The following HTR4 variants were observed in gnomAD, a reference collection of about 807,000 sequenced individuals.
The protein encoded by HTR4 is 5-hydroxytryptamine (serotonin) receptor 4, G protein-coupled.
Under a neutral mutation model 36.8 loss-of-function variants are expected in HTR4, and 16 were observed. The observed-to-expected ratio is 0.43, with a 90% CI of 0.29 to 0.66. HTR4 has a LOEUF of 0.66. HTR4 is among the 30% of genes least tolerant of loss of function. The pLI is 0.13. For synonymous variants in HTR4, 189 were observed against 185.1 expected (o/e 1.02, Z -0.17); for missense variants, 438 against 490.9 (o/e 0.89, Z 1.02).
At chr5:148,642,561 G>A (rs1004327774) in intron 1 of HTR4, among the ~76,000 whole-genome samples, 6 of 152,020 alleles carry the variant, frequency 3.9e-5, no homozygotes, top group Admixed American at 2.0e-4. Flanking sequence ...CCTACTACCC[G>A]CCATATGCAC....
intron 4 of HTR4, among the ~76,000 whole-genome samples, chr5:148,531,132 C>T (rs143934695): frequency 6.6e-6 from 1 of 152,078 alleles, no homozygotes; most frequent in Non-Finnish European, 1.5e-5. Flanking sequence ...TGATTTAATA[C>T]CAAAAGGAGT....
chr5:148,478,611 C>T (rs1003665655), downstream of HTR4, among the ~76,000 whole-genome samples: 4 of 152,046 alleles, frequency 2.6e-5, no homozygotes, highest in Non-Finnish European at 4.4e-5. Flanking sequence ...CCTGGTCCAG[C>T]GATTGGGCTT....
chr5:148,642,492 T>C (rs1753757337), intron 1 of HTR4, among the ~76,000 whole-genome samples: 1 of 152,204 alleles, frequency 6.6e-6, no homozygotes, highest in Non-Finnish European at 1.5e-5. Context: ...AGGCCAGATA[T>C]TGGATAAGAA....
downstream of HTR4, chr5:148,476,669 T>C (rs6580550): frequency 0.47 from 751,038 of 1,596,360 alleles, 181,767 homozygotes; most frequent in East Asian, 0.72. Context: ...AACTTCAGTG[T>C]ACAAAAACCT....
At chr5:148,470,193 A>G (rs903687269) in intron 5 of HTR4, among the ~76,000 whole-genome samples, 4 of 152,234 alleles carry the variant, frequency 2.6e-5, no homozygotes, top group African/African-American at 9.6e-5. Flanking sequence ...GACAGTGGTA[A>G]CGGTGCTATT....
intron 5 of HTR4, among the ~76,000 whole-genome samples, chr5:148,460,714 A>G (rs1419723050): frequency 1.3e-5 from 2 of 152,306 alleles, no homozygotes; most frequent in Non-Finnish European, 2.9e-5. Flanking sequence ...AAGGAAGAGC[A>G]TCAGAGAAGG....
chr5:148,515,451 T>C (rs1757695729), intron 5 of HTR4, among the ~76,000 whole-genome samples: 1 of 152,236 alleles, frequency 6.6e-6, no homozygotes, highest in Non-Finnish European at 1.5e-5. Flanking sequence ...CATTATGGTG[T>C]TTCAATCTGG....
chr5:148,494,585 C>T (rs1054532398), intron 6 of HTR4, among the ~76,000 whole-genome samples: 1 of 152,132 alleles, frequency 6.6e-6, no homozygotes, highest in African/African-American at 2.4e-5. Context: ...ATTTGTATAG[C>T]ACATCCAATA....
At chr5:148,485,857 A>G (rs550128859) in intron 6 of HTR4, among the ~76,000 whole-genome samples, 1 of 152,330 alleles carries the variant, frequency 6.6e-6, no homozygotes, top group South Asian at 2.1e-4. Flanking sequence ...CTCCAGAGCA[A>G]TTGGAGAGAG....
At chr5:148,625,790 A>G (rs1386475452) in intron 2 of HTR4, among the ~76,000 whole-genome samples, 1 of 152,090 alleles carries the variant, frequency 6.6e-6, no homozygotes, top group Non-Finnish European at 1.5e-5. Flanking sequence ...CATGTTGGCC[A>G]GGATGGTCTT....
chr5:148,609,565 T>C (rs1198402290), intron 2 of HTR4, among the ~76,000 whole-genome samples: 3 of 149,160 alleles, frequency 2.0e-5, no homozygotes, highest in Non-Finnish European at 3.0e-5. Context: ...TGCTTGTGTA[T>C]AAGGAATTTT....
At chr5:148,524,510 G>A (rs1485398207) in intron 4 of HTR4, among the ~76,000 whole-genome samples, 1 of 152,100 alleles carries the variant, frequency 6.6e-6, no homozygotes, top group Non-Finnish European at 1.5e-5. Context: ...CCAGAAAGAG[G>A]TACAATCTGC....
intron 5 of HTR4, chr5:148,520,960 T>C: frequency 7.3e-7 from 1 of 1,367,788 alleles, no homozygotes; most frequent in Middle Eastern, 2.1e-4. Context: ...TTTAGACTCC[T>C]TTCCTTGAAA....
At chr5:148,572,809 T>C (rs934642618) in intron 2 of HTR4, among the ~76,000 whole-genome samples, 2 of 152,130 alleles carry the variant, frequency 1.3e-5, no homozygotes, top group African/African-American at 4.8e-5. Flanking sequence ...ATGTTTTCAC[T>C]GTCCCTCACC....
intron 6 of HTR4, among the ~76,000 whole-genome samples, chr5:148,489,036 G>C (rs1756292133): frequency 6.6e-6 from 1 of 152,156 alleles, no homozygotes; most frequent in Non-Finnish European, 1.5e-5. Context: ...TAAAAGGATT[G>C]AAACTCTGAA....
At chr5:148,479,253 G>A (rs970348917), downstream of HTR4, among the ~76,000 whole-genome samples, 4 of 151,904 alleles carry the variant, frequency 2.6e-5, no homozygotes, top group Non-Finnish European at 4.4e-5. Flanking sequence ...TTATCTAGGG[G>A]CCCGGGGCTA....
At position 148,509,670 on chromosome 5, in the gene HTR4, T is replaced by C; in HGVS notation, c.862A>G (p.Thr288Ala). ...TNIVDPFIDY[T>A]VPGQVWTAFL... ...GCAGTCCACACCTGCCCAGGGACAG[T>C]GTAGTCTATGAAAGGATCCACAATA... Residue 288 changes from threonine to alanine, a missense_variant, in exon 6 of 7, where the codon ACT becomes GCT. Thr to Ala is a moderately conservative substitution (Grantham distance 58). Coordinates refer to ENST00000377888, the MANE Select transcript of HTR4 (RefSeq NM_000870.7). 6.2e-7 allele frequency: 1 copy of C among 1,614,042 alleles called. No homozygotes were observed. Among genetic ancestry groups the C allele is most frequent in the South Asian group, 1.1e-5 (1 of 91,086 alleles).
intron 2 of HTR4, among the ~76,000 whole-genome samples, chr5:148,582,810 C>T (rs1761191196): frequency 6.6e-6 from 1 of 152,090 alleles, no homozygotes; most frequent in African/African-American, 2.4e-5. Flanking sequence ...GCTGAAGTTG[C>T]TTATCAGCTT....
rs1424658646 is a variant in HTR4 at position 148,451,259 on chromosome 5, G to T, written c.1090C>A (p.His364Asn). 1.9e-6 allele frequency: 3 copies of T among 1,613,848 alleles called. No individual in the cohort carries two copies. The South Asian group carries it at 3.3e-5, about 18-fold the overall frequency. ...TCGAGTTCCTGATGATGTCCCCTGT[G>T]CAGAACGGTGTACCTAGAAAGGAAG... The change falls in exon 6 of 6, where the codon CAC (histidine) becomes AAC (asparagine). Residue 364 changes from histidine (H) to asparagine (N), a missense_variant. Transcript: ENST00000521530.
Sources: gnomAD v4.1 joint callset for allele counts (sites outside exome capture counted in the v4.1 genomes callset) on GRCh38, gnomAD v4.1.1 for gene constraint, MANE v1.5 for transcripts, NCBI Gene and HGNC (gene_info 2026-07-23, HGNC 2026-07-21) for gene names.